The following YIPF4 variants were observed in gnomAD, a reference collection of about 807,000 sequenced individuals.
YIPF4 encodes the protein protein YIPF4.
YIPF4 carries 18 observed loss-of-function variants against 29.4 expected under a neutral mutation model. The observed-to-expected ratio is 0.61, with a 90% confidence interval of 0.42 to 0.91. The LOEUF (loss-of-function observed/expected upper bound fraction) is 0.91, where lower values mean the gene tolerates loss of function less well. Among genes scored for constraint, YIPF4 ranks in the 40% least tolerant of loss-of-function variants. The pLI is 0.00. For synonymous variants in YIPF4, 115 were observed against 104.7 expected (o/e 1.10, Z -0.60); for missense variants, 279 against 282.7 (o/e 0.99, Z 0.09).
Position 32,316,479 on chromosome 2 carries a change from T to C in YIPF4, c.*10853T>C, listed in dbSNP as rs1049245977. The C allele has an allele frequency of 5.3e-5, 8 of 152,216 alleles. No homozygotes were observed. The highest frequency in any genetic ancestry group is 2.6e-4 in the Admixed American group (4 of 15,274). The allele number at this position is 152,216 out of a possible 1,614,324, so 9.4% of individuals were successfully genotyped here. On this transcript the variant is annotated 3_prime_UTR_variant, in exon 6 of 6. Coordinates refer to ENST00000238831, the MANE Select transcript of YIPF4 (RefSeq NM_032312.4). The stretch of plus-strand genomic sequence containing the variant: ...ATTATAAGCAGATATGATATTTCAC[T>C]GATAGAGACCAGCATGACTGTCTCA...
rs1428901781 is a variant in YIPF4, at chr2:32,313,959, G to T, written c.*8333G>T. ...TCTGCCCGCCTTGGCCTCCCAAAGT[G>T]CTGGGATTATAGGCATGAACCACTG... On this transcript the variant is annotated 3_prime_UTR_variant, in exon 6 of 6. Transcript: ENST00000238831. The T allele has an allele frequency of 6.6e-6, 1 of 152,234 alleles. No homozygotes were observed. Among genetic ancestry groups the T allele is most frequent in the African/African-American group, 2.4e-5 (1 of 41,436 alleles). 9.4% of individuals were successfully genotyped at this position (152,234 alleles called of 1,614,324 possible). A position where few individuals can be genotyped will look rare whatever the true frequency, so the allele number is the denominator to read the frequency against.
At chr2:32,282,820 T>G (rs1205165457) in intron 1 of YIPF4, among the ~76,000 whole-genome samples, 2 of 151,734 alleles carry the variant, frequency 1.3e-5, no homozygotes, top group African/African-American at 4.8e-5. Flanking sequence ...CTCACGCCTG[T>G]AATCCCAGAA....
In YIPF4 at chr2:32,314,194, G is replaced by A. The variant is rs963375438; in HGVS notation, c.*8568G>A. On this transcript the variant is annotated 3_prime_UTR_variant, in exon 6 of 6. Coordinates refer to ENST00000238831, the MANE Select transcript of YIPF4 (RefSeq NM_032312.4). ...GTATAATTACACAATGGAATCTTAT[G>A]CAGCAATGAAAATAAATGAACTAAA... 4 of 152,182 alleles carry A rather than the reference G, an allele frequency of 2.6e-5. No homozygotes were observed. The highest frequency in any genetic ancestry group is 1.9e-4 in the East Asian group (1 of 5,202). The allele number at this position is 152,182 out of a possible 1,614,324, so 9.4% of individuals were successfully genotyped here.
chr2:32,285,811 G>A (rs1248057597), intron 1 of YIPF4, among the ~76,000 whole-genome samples: 3 of 151,850 alleles, frequency 2.0e-5, no homozygotes, highest in Middle Eastern at 3.4e-3. Flanking sequence ...GCTCGCCACC[G>A]CACCCGGCTA....
chr2:32,290,502 A>G lies in YIPF4; in HGVS notation c.99A>G (p.Ala33=), dbSNP rs907171765. 6.4e-7 allele frequency: 1 copy of G among 1,567,272 alleles called. No homozygotes were observed. Among genetic ancestry groups the G allele is most frequent in the African/African-American group, 1.4e-5 (1 of 72,224 alleles). ...ADAEDLSGSI[A]SPDVKLNLGG... ...CCTAAGATCTCAGTGGTTCAATAGC[A>G]TCCCCAGATGTCAAATTAAATCTTG... Residue 33 remains alanine, a synonymous_variant, in exon 2 of 6, where the codon GCA becomes GCG. Transcript: ENST00000238831.
At chr2:32,290,728 C>A in intron 2 of YIPF4, 92 bp downstream of exon 2, 1 of 921,922 alleles carries the variant, frequency 1.1e-6, no homozygotes, top group South Asian at 4.7e-5. Context: ...AAAGCATTAA[C>A]CTTTTTTGGT....
chr2:32,306,646 A>G lies in YIPF4; in HGVS notation c.*1020A>G, dbSNP rs966083627. ...GTATCAGGTACTCTCTAACAAATGTACAGTTTTTGCTAAGGGAAATATTAA... is the reference window on the plus strand; with the variant it reads ...GTATCAGGTACTCTCTAACAAATGTGCAGTTTTTGCTAAGGGAAATATTAA... On this transcript the variant is annotated 3_prime_UTR_variant, in exon 6 of 6. Transcript: ENST00000238831. 6.2e-6 allele frequency: 6 copies of G among 968,280 alleles called. No homozygotes were observed. The African/African-American group carries it at 1.1e-4, about 17-fold the overall frequency. The allele number at this position is 968,280 out of a possible 1,614,324, so 60.0% of individuals were successfully genotyped here.
chr2:32,293,266 C>T (rs2148962536), intron 3 of YIPF4, among the ~76,000 whole-genome samples: 1 of 152,142 alleles, frequency 6.6e-6, no homozygotes, highest in Middle Eastern at 3.4e-3. Context: ...TCCCTGGGTA[C>T]TTGAGATTAG....
chr2:32,296,980 C>T (rs1320613681), intron 3 of YIPF4, among the ~76,000 whole-genome samples: 1 of 152,112 alleles, frequency 6.6e-6, no homozygotes. Flanking sequence ...AAGCTTTAAC[C>T]ATTGGGAGCT....
chr2:32,293,486 ACTT>A (rs1045146909), intron 3 of YIPF4, among the ~76,000 whole-genome samples: 1 of 152,150 alleles, frequency 6.6e-6, no homozygotes, highest in African/African-American at 2.4e-5. Context: ...TCCCATGTCT[ACTT>A]CTTTCCACAC....
At chr2:32,293,899 C>T (rs1206307866) in intron 3 of YIPF4, among the ~76,000 whole-genome samples, 1 of 144,712 alleles carries the variant, frequency 6.9e-6, no homozygotes, top group Non-Finnish European at 1.5e-5. Flanking sequence ...GGGCTGACCC[C>T]CCCCACCTCC....
At position 32,315,592 on chromosome 2, in the gene YIPF4, AT is replaced by A. The variant is rs1380076859; in HGVS notation, c.*9967del. ...GTGAAACCCCGTCTCTACTAAACAT[AT>A]AAAAAATTAGCCGGGCTTGGTGGCG... On this transcript the variant is annotated 3_prime_UTR_variant, in exon 6 of 6. Transcript: ENST00000238831. 4 of 152,186 alleles carry A rather than the reference AT, an allele frequency of 2.6e-5. No individual in the cohort carries two copies. The highest frequency in any genetic ancestry group is 2.6e-4 in the Admixed American group (4 of 15,266). 9.4% of individuals were successfully genotyped at this position (152,186 alleles called of 1,614,324 possible).
intron 1 of YIPF4, among the ~76,000 whole-genome samples, chr2:32,281,328 A>C (rs1364736271): frequency 6.7e-6 from 1 of 149,518 alleles, no homozygotes; most frequent in Non-Finnish European, 1.5e-5. Context: ...TGCAATCTCC[A>C]CCTCCTGGGA....
At position 32,314,582 on chromosome 2, in the gene YIPF4, A is replaced by G. The variant is rs2031784332; in HGVS notation, c.*8956A>G. ...CAGCTACTCTGGAGGCTGAGACAGGAGAATCGCTTGAACCTGGGAGGTGGA... is the reference window on the plus strand; with the variant it reads ...CAGCTACTCTGGAGGCTGAGACAGGGGAATCGCTTGAACCTGGGAGGTGGA... On this transcript the variant is annotated 3_prime_UTR_variant, in exon 6 of 6. Transcript: ENST00000238831. 6.6e-6 allele frequency: 1 copy of G among 152,172 alleles called. No individual in the cohort carries two copies. Among genetic ancestry groups the G allele is most frequent in the South Asian group, 2.1e-4 (1 of 4,830 alleles). The allele number at this position is 152,172 out of a possible 1,614,324, so 9.4% of individuals were successfully genotyped here.
In YIPF4 at chr2:32,310,772, G is replaced by T. The variant is rs1238085205; in HGVS notation, c.*5146G>T. 2 of 152,172 alleles carry T rather than the reference G, an allele frequency of 1.3e-5. No homozygotes were observed. The highest frequency in any genetic ancestry group is 2.9e-5 in the Non-Finnish European group (2 of 68,080). The allele number at this position is 152,172 out of a possible 1,614,324, so 9.4% of individuals were successfully genotyped here. On this transcript the variant is annotated 3_prime_UTR_variant, in exon 6 of 6. Coordinates refer to ENST00000238831, the MANE Select transcript of YIPF4 (RefSeq NM_032312.4). ...GCCTGTGGTCCCAGCTACTCAGGAG[G>T]CTGTGAGGCAGGAGAATTGCTTGAG...
chr2:32,280,843 A>G (rs1455123930), intron 1 of YIPF4, among the ~76,000 whole-genome samples: 1 of 152,166 alleles, frequency 6.6e-6, no homozygotes. Context: ...TGTTTCATCT[A>G]CATTTGGTAG....
At chr2:32,293,212 G>A (rs1267385480) in intron 3 of YIPF4, among the ~76,000 whole-genome samples, 1 of 152,104 alleles carries the variant, frequency 6.6e-6, no homozygotes, top group Admixed American at 6.6e-5. Context: ...AAGGTCTCTG[G>A]TTTTCCTAGG....
chr2:32,305,926 A>G lies in YIPF4; in HGVS notation c.*300A>G. ...TATTCACCTAAAAACTTGTGCCAAA[A>G]GCACCTGGATTGGTAATTATATTTC... is the stretch of plus-strand genomic sequence containing the variant. On this transcript the variant is annotated 3_prime_UTR_variant, in exon 6 of 6. Coordinates refer to ENST00000238831, the MANE Select transcript of YIPF4 (RefSeq NM_032312.4). 2.0e-6 allele frequency: 2 copies of G among 1,022,222 alleles called. No individual in the cohort carries two copies. The highest frequency in any genetic ancestry group is 2.3e-6 in the Non-Finnish European group (2 of 854,648). 63.3% of individuals were successfully genotyped at this position (1,022,222 alleles called of 1,614,324 possible). A position where few individuals can be genotyped will look rare whatever the true frequency, so the allele number is the denominator to read the frequency against.
chr2:32,288,393 T>A (rs776880300), intron 1 of YIPF4, among the ~76,000 whole-genome samples: 38 of 152,324 alleles, frequency 2.5e-4, no homozygotes, highest in Non-Finnish European at 3.8e-4. Flanking sequence ...GGACTTTAAG[T>A]ACAGTCCTTT....
Sources: allele counts gnomAD v4.1 joint callset (sites outside exome capture counted in the v4.1 genomes callset), GRCh38; gene constraint gnomAD v4.1.1; transcripts MANE v1.5; gene names NCBI Gene and HGNC (gene_info 2026-07-23, HGNC 2026-07-21).